HADHB: variants seen among roughly 807,000 people sequenced by gnomAD.
The protein encoded by HADHB is hydroxyacyl-CoA dehydrogenase trifunctional multienzyme complex subunit beta.
Under a neutral mutation model 61.9 loss-of-function variants are expected in HADHB, and 50 were observed. That is an observed-to-expected ratio of 0.81 (90% CI 0.64 to 1.02). The LOEUF (loss-of-function observed/expected upper bound fraction) is 1.02. Among genes scored for constraint, HADHB ranks in the 50% least tolerant of loss-of-function variants. The pLI is 0.00. For missense variants in HADHB, 504 were observed against 586.5 expected (o/e 0.86, Z 1.45); for synonymous variants, 191 against 201.6 (o/e 0.95, Z 0.45).
intron 10 of HADHB, among the ~76,000 whole-genome samples, chr2:26,281,391 T>G (rs1403871286): frequency 6.6e-6 from 1 of 152,152 alleles, no homozygotes; most frequent in Non-Finnish European, 1.5e-5. Context: ...TAATGCCTGC[T>G]CTTGATAGGC....
chr2:26,262,798 CACTT>C (rs544846704), intron 3 of HADHB, among the ~76,000 whole-genome samples: 85 of 152,248 alleles, frequency 5.6e-4, no homozygotes, highest in African/African-American at 2.0e-3. Flanking sequence ...GGTTGTCAAA[CACTT>C]AGTAAAAATG....
intron 1 of HADHB, among the ~76,000 whole-genome samples, chr2:26,245,610 CAGAG>C (rs1291246759): frequency 2.6e-5 from 4 of 151,950 alleles, no homozygotes; most frequent in African/African-American, 9.7e-5. Context: ...GCCTACGAAT[CAGAG>C]AGAGTGATTT....
chr2:26,259,425 A>G (rs1023337769), intron 3 of HADHB, among the ~76,000 whole-genome samples: 3 of 152,202 alleles, frequency 2.0e-5, no homozygotes, highest in African/African-American at 7.2e-5. Flanking sequence ...CCTTCCAGGA[A>G]CGTCTTGCAT....
intron 3 of HADHB, among the ~76,000 whole-genome samples, chr2:26,259,264 C>T (rs1671765374): frequency 6.6e-6 from 1 of 152,212 alleles, no homozygotes; most frequent in Non-Finnish European, 1.5e-5. Context: ...CACAGGTATG[C>T]AGTGTAAGAG....
At position 26,290,218 on chromosome 2, in the gene HADHB, A is replaced by G. The variant is rs760882701; in HGVS notation, c.*265A>G. On this transcript the variant is annotated 3_prime_UTR_variant, in exon 16 of 16. Transcript: ENST00000317799. Reference sequence around the variant, plus strand: ...GTTGTTTTTGGTCTCTGTTGTCACTAAAGACTAAATGAGGGTTTGCAGTTG... The same window carrying G: ...GTTGTTTTTGGTCTCTGTTGTCACTGAAGACTAAATGAGGGTTTGCAGTTG... 5.8e-6 allele frequency: 3 copies of G among 520,956 alleles called. No individual in the cohort carries two copies. Among genetic ancestry groups the G allele is most frequent in the South Asian group, 4.3e-5 (2 of 46,556 alleles). The allele number at this position is 520,956 out of a possible 1,614,324, so 32.3% of individuals were successfully genotyped here. A position where few individuals can be genotyped will look rare whatever the true frequency, so the allele number is the denominator to read the frequency against.
chr2:26,285,539 G>T lies in HADHB; in HGVS notation c.1357G>T (p.Gly453Cys), dbSNP rs919029156. 9 of 1,614,028 alleles carry T rather than the reference G, an allele frequency of 5.6e-6. No homozygotes were observed. Among genetic ancestry groups the T allele is most frequent in the Non-Finnish European group, 7.6e-6 (9 of 1,179,968 alleles). The change falls in exon 15 of 16, where the codon GGC becomes TGC. Residue 453 changes from glycine (G) to cysteine (C), a missense_variant. Gly to Cys is a radical substitution (Grantham distance 159). Coordinates refer to ENST00000317799, the MANE Select transcript of HADHB (RefSeq NM_000183.3). The stretch of plus-strand genomic sequence containing the variant: ...ATTACGGAAAGAAGGAGGCCAGTAT[G>T]GCTTAGTGGCTGCGTGTGCAGCTGG... ...NRLRKEGGQY[G>C]LVAACAAGGQ...
chr2:26,283,076 A>C, intron 12 of HADHB, 25 bp downstream of exon 12: 2 of 1,474,394 alleles, frequency 1.4e-6, no homozygotes, highest in Non-Finnish European at 1.9e-6. Flanking sequence ...GTATCCTTGG[A>C]CTATAATCAC....
intron 5 of HADHB, among the ~76,000 whole-genome samples, chr2:26,271,097 G>A (rs2147817654): frequency 7.0e-6 from 1 of 142,712 alleles, no homozygotes; most frequent in Admixed American, 7.3e-5. Flanking sequence ...GGGTTTCACT[G>A]TGTTAGCCAG....
At chr2:26,245,458 G>A (rs1199836323) in intron 1 of HADHB, 1 of 151,962 alleles carries the variant, frequency 6.6e-6, no homozygotes, top group Non-Finnish European at 1.5e-5. Flanking sequence ...TGACCTTTCG[G>A]GGCTTGAGTG....
chr2:26,253,707 G>C (rs1402598736), intron 1 of HADHB, among the ~76,000 whole-genome samples: 1 of 151,874 alleles, frequency 6.6e-6, no homozygotes, highest in African/African-American at 2.4e-5. Context: ...CAAAAAATTA[G>C]CCGGGTGTGG....
intron 1 of HADHB, among the ~76,000 whole-genome samples, chr2:26,248,315 G>T (rs752507968): frequency 6.6e-6 from 1 of 151,676 alleles, no homozygotes; most frequent in East Asian, 1.9e-4. Context: ...GTTTCCTACT[G>T]ATGTGCATTT....
At chr2:26,258,860 T>C (rs986480729) in intron 3 of HADHB, among the ~76,000 whole-genome samples, 2 of 151,772 alleles carry the variant, frequency 1.3e-5, no homozygotes, top group Admixed American at 1.3e-4. Context: ...CTAATTGATA[T>C]TTTAGTGAGC....
At chr2:26,272,776 G>C (rs1327732445) in intron 5 of HADHB, among the ~76,000 whole-genome samples, 1 of 151,996 alleles carries the variant, frequency 6.6e-6, no homozygotes, top group Non-Finnish European at 1.5e-5. Context: ...TTTTAATGGG[G>C]AATGGCATTT....
At chr2:26,277,230 G>A in intron 7 of HADHB, 70 bp downstream of exon 7, 1 of 503,072 alleles carries the variant, frequency 2.0e-6, no homozygotes, top group Non-Finnish European at 3.4e-6. Context: ...TTATAAAAAT[G>A]TACTTTTTTT....
chr2:26,255,070 GT>G (rs1317537104), intron 3 of HADHB: 2 of 156,010 alleles, frequency 1.3e-5, no homozygotes, highest in African/African-American at 2.4e-5. Context: ...TCTGCTGTAG[GT>G]TTTTATCTTC....
chr2:26,245,436 G>A (rs114875868), intron 1 of HADHB: 7 of 152,100 alleles, frequency 4.6e-5, no homozygotes, highest in African/African-American at 1.2e-4. Context: ...TAAAGAATAA[G>A]ACTAGGTCAG....
chr2:26,259,583 C>T (rs1671777492), intron 3 of HADHB, among the ~76,000 whole-genome samples: 1 of 152,232 alleles, frequency 6.6e-6, no homozygotes, highest in South Asian at 2.1e-4. Flanking sequence ...TCTGCAGAAC[C>T]TTCTGACCTT....
At chr2:26,273,548 A>G (rs1419249548) in intron 5 of HADHB, 103 bp from the exon 6 acceptor site, 1 of 740,150 alleles carries the variant, frequency 1.4e-6, no homozygotes, top group African/African-American at 1.7e-5. Flanking sequence ...GTCCTTTTAA[A>G]TTCAAGGCTA....
chr2:26,248,457 T>C (rs535486107), intron 1 of HADHB, among the ~76,000 whole-genome samples: 1 of 152,130 alleles, frequency 6.6e-6, no homozygotes, highest in East Asian at 1.9e-4. Context: ...CCACCACCCC[T>C]GGCCCACCTT....
Sources: gnomAD v4.1 joint callset for allele counts (sites outside exome capture counted in the v4.1 genomes callset) on GRCh38, gnomAD v4.1.1 for gene constraint, MANE v1.5 for transcripts, NCBI Gene and HGNC (gene_info 2026-07-23, HGNC 2026-07-21) for gene names.